The following TANGO6 variants were observed in gnomAD, a reference collection of about 807,000 sequenced individuals.
TANGO6 encodes transport and Golgi organization protein 6 homolog.
A neutral mutation model predicts 114.2 loss-of-function variants in TANGO6; 90 were observed. The ratio of observed to expected loss-of-function variants is 0.79; its 90% CI spans 0.66 to 0.94. TANGO6 has a LOEUF of 0.94. TANGO6 is among the 40% of genes least tolerant of loss of function. The probability of loss-of-function intolerance (pLI) is 0.00; values close to 1 mark genes in which losing one functional copy is unlikely to be tolerated. For missense variants in TANGO6, 1,274 were observed against 1,315.3 expected (o/e 0.97, Z 0.49); for synonymous variants, 477 against 509.8 (o/e 0.94, Z 0.87).
chr16:69,053,331 A>G (rs544022678), intron 17 of TANGO6, among the ~76,000 whole-genome samples: 2 of 152,096 alleles, frequency 1.3e-5, no homozygotes, highest in Non-Finnish European at 2.9e-5. Context: ...TTATGTTATT[A>G]TGACTGTAAC....
chr16:68,993,137 G>A (rs1597050949), intron 15 of TANGO6, among the ~76,000 whole-genome samples: 1 of 152,098 alleles, frequency 6.6e-6, no homozygotes, highest in African/African-American at 2.4e-5. Flanking sequence ...AGATTCAAGT[G>A]GATATTGCAG....
intron 17 of TANGO6, 145 bp from the exon 18 acceptor site, chr16:69,083,340 T>G: frequency 2.9e-6 from 3 of 1,045,876 alleles, no homozygotes; most frequent in Non-Finnish European, 4.0e-6. Context: ...ATTACAGGCA[T>G]GAGCCACTGC....
intron 13 of TANGO6, 21 bp downstream of exon 13, chr16:68,928,104 A>G (rs769178277): frequency 1.3e-6 from 2 of 1,547,432 alleles, no homozygotes; most frequent in Non-Finnish European, 1.7e-6. Flanking sequence ...CACACTGTAA[A>G]GACACATGGG....
intron 17 of TANGO6, among the ~76,000 whole-genome samples, chr16:69,072,430 T>C (rs191336756): frequency 7.2e-5 from 11 of 152,170 alleles, no homozygotes; most frequent in Admixed American, 4.6e-4. Context: ...TGTGCTGAAC[T>C]CATAATGAGA....
At chr16:69,058,976 C>T (rs1248617165) in intron 17 of TANGO6, among the ~76,000 whole-genome samples, 7 of 151,138 alleles carry the variant, frequency 4.6e-5, no homozygotes, top group Admixed American at 1.3e-4. Flanking sequence ...GCTGCGATCT[C>T]GGCTCACTGC....
At chr16:68,948,655 TTAA>T (rs1963440523) in intron 14 of TANGO6, among the ~76,000 whole-genome samples, 1 of 152,328 alleles carries the variant, frequency 6.6e-6, no homozygotes, top group Admixed American at 6.5e-5. Context: ...TGTTTATAAC[TTAA>T]TAGTATGCTG....
rs190702046 is a variant in TANGO6, at chr16:68,919,763, G to A, written c.2127+544G>A. ...TTTTTAAACACTACATATTGGCCGGGTGCGGTGGCTCACTGAGCCTGTAAT... is the reference window on the plus strand; with the variant it reads ...TTTTTAAACACTACATATTGGCCGGATGCGGTGGCTCACTGAGCCTGTAAT... On this transcript the variant is annotated intron_variant, in intron 12 of 17. Transcript: ENST00000261778. Among the ~76,000 whole-genome samples the A allele has an allele frequency of 2.1e-4, 32 of 152,200 alleles. 1 individual carries two copies. The East Asian group carries it at 6.2e-3, about 29-fold the overall frequency.
chr16:68,968,590 C>G (rs1012337773), intron 14 of TANGO6, among the ~76,000 whole-genome samples: 9 of 151,700 alleles, frequency 5.9e-5, no homozygotes, highest in African/African-American at 2.2e-4. Context: ...GTCTCGAACT[C>G]CTGACCTCAG....
intron 14 of TANGO6, among the ~76,000 whole-genome samples, chr16:68,938,619 G>A (rs1371880828): frequency 1.3e-5 from 2 of 151,562 alleles, no homozygotes; most frequent in Admixed American, 6.6e-5. Flanking sequence ...TTTTTTGAAA[G>A]CATTGCCAAT....
In TANGO6 at chr16:69,040,396, G is replaced by T; in HGVS notation, c.3083G>T (p.Arg1028Leu). The T allele has an allele frequency of 6.2e-7, 1 of 1,605,320 alleles. No homozygotes were observed. The highest frequency in any genetic ancestry group is 8.5e-7 in the Non-Finnish European group (1 of 1,176,144). ...AAIHVVVLLL[R>L]GLSQKATEVL... is the part of the protein sequence containing the mutation. ...ATACATGTGGTTGTGCTGCTGCTTC[G>T]GGGACTCAGCCAGAAAGCTACTGAG... The change falls in exon 17 of 18, where the codon CGG becomes CTG. Residue 1028 changes from arginine (R) to leucine (L), a missense_variant. Transcript: ENST00000261778.
intron 17 of TANGO6, among the ~76,000 whole-genome samples, chr16:69,045,376 A>G (rs1362384721): frequency 6.7e-6 from 1 of 148,292 alleles, no homozygotes; most frequent in Non-Finnish European, 1.5e-5. Context: ...CCTGGGAGGC[A>G]GAGCTTGCAG....
At chr16:68,917,394 G>A (rs995539662) in intron 11 of TANGO6, among the ~76,000 whole-genome samples, 4 of 152,176 alleles carry the variant, frequency 2.6e-5, no homozygotes, top group African/African-American at 9.7e-5. Flanking sequence ...GTGGACATAA[G>A]TTTTCAACTC....
chr16:68,980,327 T>C (rs1167205117), intron 15 of TANGO6, among the ~76,000 whole-genome samples: 1 of 148,616 alleles, frequency 6.7e-6, no homozygotes, highest in Non-Finnish European at 1.5e-5. Flanking sequence ...TTCTCTTATA[T>C]AGAAAACAGC....
chr16:68,931,433 G>T (rs920200407), intron 14 of TANGO6, among the ~76,000 whole-genome samples: 10 of 152,170 alleles, frequency 6.6e-5, no homozygotes, highest in Non-Finnish European at 1.5e-4. Flanking sequence ...ACATATGTCT[G>T]CACAAAACCT....
chr16:68,970,900 G>A (rs1019812743), intron 14 of TANGO6, among the ~76,000 whole-genome samples: 1 of 151,548 alleles, frequency 6.6e-6, no homozygotes, highest in African/African-American at 2.4e-5. Context: ...GCTCACGCCT[G>A]TAATCCCAGC....
chr16:68,993,300 A>G (rs1175315443), intron 15 of TANGO6, among the ~76,000 whole-genome samples: 2 of 152,198 alleles, frequency 1.3e-5, no homozygotes, highest in African/African-American at 4.8e-5. Context: ...CAGTGTCTTC[A>G]TACTTTTGTC....
chr16:68,861,518 G>C (rs1002657972), intron 2 of TANGO6, among the ~76,000 whole-genome samples: 1 of 152,156 alleles, frequency 6.6e-6, no homozygotes, highest in Non-Finnish European at 1.5e-5. Context: ...AGGGTTATGC[G>C]TATTGACACT....
At position 68,994,679 on chromosome 16, in the gene TANGO6, A is replaced by G. The variant is rs193183923; in HGVS notation, c.2842+20511A>G. Among the ~76,000 whole-genome samples, 10 of 151,710 alleles carry G rather than the reference A, an allele frequency of 6.6e-5. No homozygotes were observed. In the East Asian group the frequency reaches 7.8e-4, roughly 12 times the overall value. Reference sequence around the variant, plus strand: ...AGTCTCTACCTCCTGGGCTCAAACAATCCTCCCACTTGAGCCTCCCAAGTA... The same window carrying G: ...AGTCTCTACCTCCTGGGCTCAAACAGTCCTCCCACTTGAGCCTCCCAAGTA... On this transcript the variant is annotated intron_variant, in intron 15 of 17. Transcript: ENST00000261778.
intron 14 of TANGO6, chr16:68,937,838 C>T (rs981570993): frequency 2.0e-5 from 3 of 152,104 alleles, no homozygotes; most frequent in Non-Finnish European, 2.9e-5. Flanking sequence ...CGAGATCAGG[C>T]GCATTCGGGG....
Sources: gnomAD v4.1 joint callset for allele counts (sites outside exome capture counted in the v4.1 genomes callset) on GRCh38, gnomAD v4.1.1 for gene constraint, MANE v1.5 for transcripts, NCBI Gene and HGNC (gene_info 2026-07-23, HGNC 2026-07-21) for gene names.